Variants in HNRNPR observed in about 807,000 individuals in gnomAD.
HNRNPR encodes the protein heterogeneous nuclear ribonucleoprotein R.
A neutral mutation model predicts 70.3 loss-of-function variants in HNRNPR; 4 were observed. The observed-to-expected ratio is 0.06, with a 90% CI of 0.03 to 0.13. HNRNPR has a LOEUF of 0.13. Among genes scored for constraint, HNRNPR ranks in the 10% least tolerant of loss-of-function variants. The pLI is 1.00. For missense variants in HNRNPR, 423 were observed against 788.5 expected (o/e 0.54, Z 5.55); for synonymous variants, 241 against 267.6 (o/e 0.90, Z 0.97).
At chr1:23,322,731 AAACCAAAGCCTTGATG>A (rs1645808063) in intron 6 of HNRNPR, among the ~76,000 whole-genome samples, 1 of 152,226 alleles carries the variant, frequency 6.6e-6, no homozygotes. Context: ...ACCAGTAATG[AAACCAAAGCCTTGATG>A]AAAGAAGTTG....
chr1:23,313,366 T>C (rs1645410338), intron 9 of HNRNPR, among the ~76,000 whole-genome samples, 187 bp downstream of exon 9: 2 of 152,132 alleles, frequency 1.3e-5, no homozygotes, highest in African/African-American at 2.4e-5. Flanking sequence ...ACAAACTCAG[T>C]AATAACCTGG....
chr1:23,331,405 T>A (rs1291502897), intron 5 of HNRNPR, among the ~76,000 whole-genome samples: 118 of 127,218 alleles, frequency 9.3e-4, no homozygotes, highest in Non-Finnish European at 1.2e-3. Flanking sequence ...CACAAAAAAT[T>A]AAAAAAAAAA....
At chr1:23,342,638 C>A (rs761641239) in intron 1 of HNRNPR, among the ~76,000 whole-genome samples, 6 of 152,150 alleles carry the variant, frequency 3.9e-5, no homozygotes, top group Non-Finnish European at 4.4e-5. Context: ...TCCTTGCGAA[C>A]ATAAGGTTCT....
At chr1:23,321,773 C>A in intron 6 of HNRNPR, 110 bp from the exon 7 acceptor site, 1 of 1,000,016 alleles carries the variant, frequency 1.0e-6, no homozygotes, top group Non-Finnish European at 1.5e-6. Context: ...GCTTCATCAA[C>A]TCACCAAGTT....
intron 8 of HNRNPR, among the ~76,000 whole-genome samples, chr1:23,315,646 TA>T (rs1348014799): frequency 4.6e-5 from 7 of 152,268 alleles, no homozygotes; most frequent in African/African-American, 9.6e-5. Context: ...GACACAGGGA[TA>T]GGGGTAGAAA....
At chr1:23,333,692 G>T in intron 4 of HNRNPR, 61 bp from the exon 5 acceptor site, 1 of 926,618 alleles carries the variant, frequency 1.1e-6, no homozygotes, top group Non-Finnish European at 1.7e-6. Flanking sequence ...AAGCATCAGT[G>T]TATTAATCTT....
At chr1:23,311,359 A>G (rs1557818500) in intron 9 of HNRNPR, 37 bp from the exon 10 acceptor site, 6 of 1,356,786 alleles carry the variant, frequency 4.4e-6, no homozygotes, top group Non-Finnish European at 6.2e-6. Flanking sequence ...ACAACGATAT[A>G]AAACTGTATT....
intron 9 of HNRNPR, among the ~76,000 whole-genome samples, chr1:23,313,238 T>A (rs577763041): frequency 6.6e-6 from 1 of 152,310 alleles, no homozygotes; most frequent in South Asian, 2.1e-4. Context: ...TTATAATGCA[T>A]TCATTACCTA....
In HNRNPR at chr1:23,308,039, T is replaced by C. The variant is rs912669075; in HGVS notation, c.*2415A>G. 6.6e-6 allele frequency: 1 copy of C among 152,090 alleles called. No individual in the cohort carries two copies. Among genetic ancestry groups the C allele is most frequent in the African/African-American group, 2.4e-5 (1 of 41,462 alleles). 9.4% of individuals were successfully genotyped at this position (152,090 alleles called of 1,614,324 possible). On this transcript the variant is annotated 3_prime_UTR_variant, in exon 11 of 11. Coordinates refer to ENST00000302271, the MANE Select transcript of HNRNPR (RefSeq NM_005826.5). ...CTCTGAATCTATTTTCTCTGAATGC[T>C]GCTACAGTGTTAATTTACAAGACAT... is the stretch of plus-strand genomic sequence containing the variant.
chr1:23,318,793 A>G lies in HNRNPR; in HGVS notation c.812-105T>C. On this transcript the variant is annotated intron_variant, in intron 7 of 10. Transcript: ENST00000302271. The surrounding 1 kb of genome is among the most constrained non-coding windows in gnomAD (Gnocchi z 4.2). Reference sequence around the variant, plus strand: ...ACGATGAGCAAAATATAAGTGAAGCAGCCTCAACATGAGTCACTAATTTTG... The same window carrying G: ...ACGATGAGCAAAATATAAGTGAAGCGGCCTCAACATGAGTCACTAATTTTG... 1.0e-6 allele frequency: 1 copy of G among 993,030 alleles called. No individual in the cohort carries two copies. The highest frequency in any genetic ancestry group is 1.5e-6 in the Non-Finnish European group (1 of 658,446). 61.5% of individuals were successfully genotyped at this position (993,030 alleles called of 1,614,324 possible). A position where few individuals can be genotyped will look rare whatever the true frequency, so the allele number is the denominator to read the frequency against.
intron 5 of HNRNPR, among the ~76,000 whole-genome samples, chr1:23,330,095 C>A (rs1472075170): frequency 3.9e-5 from 6 of 152,134 alleles, no homozygotes; most frequent in Non-Finnish European, 7.3e-5. Flanking sequence ...GTGACACCAC[C>A]ATGAATAAAC....
chr1:23,310,525 A>C lies in HNRNPR; in HGVS notation c.1831T>G (p.Ser611Ala), dbSNP rs769348078. ...QQPLQQGGDY[S>A]GNYGYNNDNQ... Reference sequence around the variant, plus strand: ...TCATTATTGTAACCATAGTTACCAGAATAGTCACCACCTTGCTGAAGCGGC... The same window carrying C: ...TCATTATTGTAACCATAGTTACCAGCATAGTCACCACCTTGCTGAAGCGGC... The change falls in exon 11 of 11, where the codon TCT becomes GCT. Residue 611 changes from serine to alanine, a missense_variant. Physicochemically the swap from Ser to Ala is moderately conservative, Grantham distance 99 (BLOSUM62 1). Transcript: ENST00000302271. The surrounding 1 kb of genome is among the most constrained non-coding windows in gnomAD (Gnocchi z 6.0). The C allele has an allele frequency of 1.9e-6, 3 of 1,614,080 alleles. No individual in the cohort carries two copies. In the Admixed American group the frequency reaches 5.0e-5, roughly 27 times the overall value.
chr1:23,339,347 C>T (rs1646623938), intron 2 of HNRNPR, among the ~76,000 whole-genome samples: 1 of 152,170 alleles, frequency 6.6e-6, no homozygotes, highest in East Asian at 1.9e-4. Flanking sequence ...TCAAGAACGA[C>T]AATCATTTTC....
At chr1:23,323,819 G>A (rs1271400700) in intron 5 of HNRNPR, 87 bp from the exon 6 acceptor site, 4 of 1,015,884 alleles carry the variant, frequency 3.9e-6, no homozygotes, top group Non-Finnish European at 4.6e-6. Flanking sequence ...TTAAAGATGG[G>A]GGCAGAAGAA....
At chr1:23,332,557 A>T (rs1323905309) in intron 5 of HNRNPR, among the ~76,000 whole-genome samples, 1 of 151,668 alleles carries the variant, frequency 6.6e-6, no homozygotes, top group Non-Finnish European at 1.5e-5. Flanking sequence ...AAAATTAGCC[A>T]GGTGTGGTGG....
Position 23,337,764 on chromosome 1 carries a change from G to A in HNRNPR, c.374C>T (p.Ala125Val), listed in dbSNP as rs780999492. The change falls in exon 4 of 11, where the codon GCG (alanine) becomes GTG (valine). Residue 125 changes from alanine to valine, a missense_variant. By Grantham distance (64) the Ala-to-Val change is moderately conservative. Around this residue, in one of 7 missense-constraint regions of HNRNPR, gnomAD observed 118 missense variants for 239.3 expected, o/e 0.49. Transcript: ENST00000302271. ...CAAGTCAAGTTTTACCTTGATCTTCGCTTCATCAGGTCCCTTTGTGGACTC... is the reference window on the plus strand; with the variant it reads ...CAAGTCAAGTTTTACCTTGATCTTCACTTCATCAGGTCCCTTTGTGGACTC... Reference protein sequence around the residue: ...VQESTKGPDEAKIKALLERTG... With the variant: ...VQESTKGPDEVKIKALLERTG... 5 of 1,604,508 alleles carry A rather than the reference G, an allele frequency of 3.1e-6. No homozygotes were observed. Among genetic ancestry groups the A allele is most frequent in the East Asian group, 2.2e-5 (1 of 44,614 alleles).
Position 23,310,656 on chromosome 1 carries a change from C to T in HNRNPR, c.1700G>A (p.Gly567Asp). 6.2e-7 allele frequency: 1 copy of T among 1,613,522 alleles called. No homozygotes were observed. Among genetic ancestry groups the T allele is most frequent in the Non-Finnish European group, 8.5e-7 (1 of 1,179,720 alleles). ...TGCCTTTCTCTTGCCTCCTACATTG[C>T]CCCCACGATTGCCCCGAGATCCACG... Reference protein sequence around the residue: ...GSRGSRGNRGGNVGGKRKADG... With the variant: ...GSRGSRGNRGDNVGGKRKADG... The change falls in exon 11 of 11, where the codon GGC becomes GAC. Residue 567 changes from glycine to aspartate, a missense_variant. Physicochemically the swap from Gly to Asp is moderately conservative, Grantham distance 94. Coordinates refer to ENST00000302271, the MANE Select transcript of HNRNPR (RefSeq NM_005826.5). This position sits in a 1 kb window ranked among gnomAD's most constrained non-coding sequence, Gnocchi z 6.0.
intron 9 of HNRNPR, chr1:23,311,990 C>T (rs1315477905): frequency 6.6e-6 from 1 of 152,246 alleles, no homozygotes; most frequent in African/African-American, 2.4e-5. Context: ...ATTCCATGTT[C>T]TAGCCCTTTG....
chr1:23,335,380 C>G (rs905817834), intron 4 of HNRNPR, among the ~76,000 whole-genome samples: 8 of 152,208 alleles, frequency 5.3e-5, no homozygotes, highest in African/African-American at 1.9e-4. Flanking sequence ...GGTCCCCACA[C>G]CCCTGGGCCA....
Sources: allele counts gnomAD v4.1 joint callset (sites outside exome capture counted in the v4.1 genomes callset), GRCh38; gene constraint gnomAD v4.1.1; regional missense constraint gnomAD v4.1.1; non-coding constraint Gnocchi (gnomAD v3.1); transcripts MANE v1.5; gene names NCBI Gene and HGNC (gene_info 2026-07-23, HGNC 2026-07-21).